Variants in ZCCHC8 observed in about 807,000 individuals in gnomAD.
ZCCHC8 encodes zinc finger CCHC domain-containing protein 8.
Under a neutral mutation model 70.6 loss-of-function variants are expected in ZCCHC8, and 27 were observed. The ratio of observed to expected loss-of-function variants is 0.38; its 90% CI spans 0.28 to 0.53. ZCCHC8 has a LOEUF of 0.53. Ranked by LOEUF, ZCCHC8 falls within the 20% of genes least tolerant of loss-of-function variation. ZCCHC8 has a pLI of 0.81. For missense variants in ZCCHC8, 737 were observed against 876.9 expected (o/e 0.84, Z 2.01); for synonymous variants, 293 against 317.4 (o/e 0.92, Z 0.82).
chr12:122,491,097 A>G (rs1957734300), intron 3 of ZCCHC8: 1 of 152,690 alleles, frequency 6.5e-6, no homozygotes, highest in Admixed American at 6.5e-5. Flanking sequence ...AAAAATACTG[A>G]GATCTGCTTT....
chr12:122,482,796 A>G, intron 7 of ZCCHC8, 101 bp from the exon 8 acceptor site: 1 of 956,608 alleles, frequency 1.0e-6, no homozygotes, highest in South Asian at 1.6e-5. Context: ...AGAGACAAGA[A>G]AGCAAGTTGA....
In ZCCHC8 at chr12:122,473,665, C is replaced by G. The variant is rs747742940; in HGVS notation, c.1956G>C (p.Thr652=). ...GTATAGGGCTATGAATTTTAGTGGC[C>G]GTTGAAGGACTGGTGTCTGCAGGAA... ...KLFPADTSPS[T]ATKIHSPIPD... is the part of the protein sequence containing the mutation. Residue 652 remains threonine, a synonymous_variant, in exon 14 of 14, where the codon ACG becomes ACC. Transcript: ENST00000633063. 11 of 1,613,792 alleles carry G rather than the reference C, an allele frequency of 6.8e-6. No individual in the cohort carries two copies. In the East Asian group the frequency reaches 2.2e-4, roughly 33 times the overall value.
Position 122,483,294 on chromosome 12 carries a change from TG to T in ZCCHC8, c.655del (p.Gln219LysfsTer2). The T allele has an allele frequency of 6.3e-7, 1 of 1,598,420 alleles. No individual in the cohort carries two copies. The highest frequency in any genetic ancestry group is 8.5e-7 in the Non-Finnish European group (1 of 1,171,334). On this transcript the variant is annotated frameshift_variant, in exon 7 of 14. Coordinates refer to ENST00000633063, the MANE Select transcript of ZCCHC8 (RefSeq NM_017612.5). LOFTEE classifies it high-confidence loss of function. The surrounding 1 kb of genome is among the most constrained non-coding windows in gnomAD (Gnocchi z 4.4). Reference protein sequence around the residue: ...HIVSLEGQEIQVKAKRPKPHC... With the variant: ...HIVSLEGQEIXVKAKRPKPHC... The stretch of plus-strand genomic sequence containing the variant: ...CCACACAAACCTTTTTGCCTTTACT[TG>T]TATTTCTTGCCCTTCTAGAGAAACA...
intron 11 of ZCCHC8, among the ~76,000 whole-genome samples, chr12:122,479,158 C>T (rs143957774): frequency 1.5e-4 from 23 of 152,344 alleles, no homozygotes; most frequent in Non-Finnish European, 3.1e-4. Flanking sequence ...TCACTGCAAC[C>T]TCCACCTCCT....
intron 8 of ZCCHC8, 187 bp from the exon 9 acceptor site, chr12:122,482,274 C>A (rs1957551146): frequency 5.7e-6 from 3 of 525,128 alleles, no homozygotes; most frequent in Non-Finnish European, 9.2e-6. Flanking sequence ...TATTTATTAC[C>A]TATTATCATA....
Position 122,500,760 on chromosome 12 carries a change from A to T in ZCCHC8, c.81T>A (p.Val27=). The T allele has an allele frequency of 6.3e-7, 1 of 1,589,678 alleles. No homozygotes were observed. The highest frequency in any genetic ancestry group is 8.6e-7 in the Non-Finnish European group (1 of 1,168,502). ...DHPEESIPKP[V]HTRFKDDDGD... ...CGTCGTCGTCCTTGAAGCGAGTGTG[A>T]ACGGGCTTCGGAATCGACTCCTCTG... The change falls in exon 1 of 14, where the codon GTT becomes GTA. Residue 27 remains valine, a synonymous_variant. Transcript: ENST00000633063. This position sits in a 1 kb window ranked among gnomAD's most constrained non-coding sequence, Gnocchi z 4.8.
chr12:122,484,106 GT>G (rs1462914003), intron 5 of ZCCHC8: 1 of 152,770 alleles, frequency 6.5e-6, no homozygotes, highest in African/African-American at 2.4e-5. Flanking sequence ...ACACTTTTTT[GT>G]TTGTTTTGAG....
In ZCCHC8 at chr12:122,500,873, G is replaced by C. The variant is rs759310638; in HGVS notation, c.-33C>G. On this transcript the variant is annotated 5_prime_UTR_variant, in exon 1 of 14. Coordinates refer to ENST00000633063, the MANE Select transcript of ZCCHC8 (RefSeq NM_017612.5). The surrounding 1 kb of genome is among the most constrained non-coding windows in gnomAD (Gnocchi z 4.8). ...TGTGGAAAAGATTCGAGAAGAGGCG[G>C]AGCCGGCCACCAGGGCTTGGGGAAG... 6.5e-7 allele frequency: 1 copy of C among 1,549,826 alleles called. No homozygotes were observed. Among genetic ancestry groups the C allele is most frequent in the Non-Finnish European group, 8.7e-7 (1 of 1,146,468 alleles).
Position 122,473,281 on chromosome 12 carries a change from T to C in ZCCHC8, c.*216A>G, listed in dbSNP as rs1957347182. 3.5e-6 allele frequency: 2 copies of C among 571,832 alleles called. No individual in the cohort carries two copies. 35.4% of individuals were successfully genotyped at this position (571,832 alleles called of 1,614,324 possible). A position where few individuals can be genotyped will look rare whatever the true frequency, so the allele number is the denominator to read the frequency against. On this transcript the variant is annotated 3_prime_UTR_variant, in exon 14 of 14. Transcript: ENST00000633063. ...CAAACCCTCTCTAAACCAGGTCATA[T>C]TCACATCTCCCCCCAAGTTTTGTCA... is the stretch of plus-strand genomic sequence containing the variant.
At chr12:122,498,097 T>A (rs530228779) in intron 2 of ZCCHC8, among the ~76,000 whole-genome samples, 3 of 152,354 alleles carry the variant, frequency 2.0e-5, no homozygotes, top group South Asian at 4.1e-4. Context: ...TCTTTCATTG[T>A]TCTATTTATG....
intron 11 of ZCCHC8, chr12:122,478,519 G>A: frequency 2.2e-6 from 1 of 459,426 alleles, no homozygotes; most frequent in South Asian, 2.4e-5. Flanking sequence ...ACAATCACTT[G>A]GCCAAAAAAG....
intron 5 of ZCCHC8, among the ~76,000 whole-genome samples, chr12:122,488,933 C>T (rs923105814): frequency 3.3e-5 from 5 of 151,614 alleles, no homozygotes; most frequent in African/African-American, 1.2e-4. Context: ...TTAACACTAA[C>T]GAATTTTGCA....
chr12:122,494,435 C>A (rs2062489), intron 2 of ZCCHC8, among the ~76,000 whole-genome samples: 6,949 of 151,816 alleles, frequency 0.046, 537 homozygotes, highest in African/African-American at 0.16. Context: ...GTGGCACATG[C>A]CTGTAAACTC....
chr12:122,489,966 A>T (rs1240214673), intron 4 of ZCCHC8, among the ~76,000 whole-genome samples: 3 of 150,662 alleles, frequency 2.0e-5, no homozygotes, highest in Non-Finnish European at 4.4e-5. Context: ...AATACTACTT[A>T]CCTTAATTTT....
chr12:122,490,942 C>G (rs985625951), intron 3 of ZCCHC8: 1 of 157,676 alleles, frequency 6.3e-6, no homozygotes, highest in African/African-American at 2.4e-5. Flanking sequence ...TACCCTGTCT[C>G]TTGGCCATCT....
At chr12:122,479,600 A>G (rs139486188) in intron 11 of ZCCHC8, among the ~76,000 whole-genome samples, 254 of 152,370 alleles carry the variant, frequency 1.7e-3, no homozygotes, top group African/African-American at 5.7e-3. Flanking sequence ...TGTAAAATTA[A>G]TAATACTGTC....
intron 5 of ZCCHC8, among the ~76,000 whole-genome samples, chr12:122,488,794 C>T (rs1957690067): frequency 1.3e-5 from 2 of 151,538 alleles, no homozygotes; most frequent in African/African-American, 4.9e-5. Context: ...TTGCTTGAAC[C>T]CGGGAGGCGG....
rs1380257891 is a variant in ZCCHC8, at chr12:122,472,748, C to T, written c.*749G>A. 3.9e-5 allele frequency: 6 copies of T among 151,978 alleles called. No individual in the cohort carries two copies. The highest frequency in any genetic ancestry group is 7.3e-5 in the Non-Finnish European group (5 of 68,078). The allele number at this position is 151,978 out of a possible 1,614,324, so 9.4% of individuals were successfully genotyped here. ...CTGAGGCAGGAGAATCGCTTAAACT[C>T]GGGAGGCGGAGGTTGCGGTGAGCCG... On this transcript the variant is annotated 3_prime_UTR_variant, in exon 14 of 14. Coordinates refer to ENST00000633063, the MANE Select transcript of ZCCHC8 (RefSeq NM_017612.5).
At chr12:122,490,935 C>A (rs930010770) in intron 3 of ZCCHC8, 9 of 159,468 alleles carry the variant, frequency 5.6e-5, no homozygotes, top group Non-Finnish European at 1.1e-4. Flanking sequence ...CCCTTCCTAC[C>A]CTGTCTCTTG....
Sources: gnomAD v4.1 joint callset for allele counts (sites outside exome capture counted in the v4.1 genomes callset) on GRCh38, gnomAD v4.1.1 for gene constraint, Gnocchi (gnomAD v3.1) non-coding constraint, MANE v1.5 for transcripts, NCBI Gene and HGNC (gene_info 2026-07-23, HGNC 2026-07-21) for gene names.